HS3ST4: variants seen among roughly 807,000 people sequenced by gnomAD.
HS3ST4 encodes heparan sulfate glucosamine 3-O-sulfotransferase 4.
In HS3ST4, 17 loss-of-function variants were observed where a neutral mutation model predicts 29.2. The ratio of observed to expected loss-of-function variants is 0.58; its 90% CI spans 0.40 to 0.87. HS3ST4 has a LOEUF of 0.87. Among genes scored for constraint, HS3ST4 ranks in the 40% least tolerant of loss-of-function variants. The pLI is 0.00. For missense variants in HS3ST4, 627 were observed against 634.5 expected, an observed-to-expected ratio of 0.99 and a Z score of 0.13; for synonymous variants, 314 against 285.7, an observed-to-expected ratio of 1.10 and a Z score of -1.00.
At chr16:25,723,522 T>C (rs1289217938) in intron 1 of HS3ST4, among the ~76,000 whole-genome samples, 1 of 152,206 alleles carries the variant, frequency 6.6e-6, no homozygotes, top group African/African-American at 2.4e-5. Context: ...GAAAAAGTGG[T>C]ACAAATTTGA....
chr16:25,880,512 C>T (rs1967883518), intron 1 of HS3ST4, among the ~76,000 whole-genome samples: 1 of 152,206 alleles, frequency 6.6e-6, no homozygotes, highest in Admixed American at 6.5e-5. Context: ...ATACTTTCCT[C>T]CCAGCACACT....
At chr16:25,867,149 A>G (rs1030123805) in intron 1 of HS3ST4, among the ~76,000 whole-genome samples, 2 of 152,324 alleles carry the variant, frequency 1.3e-5, no homozygotes, top group Non-Finnish European at 2.9e-5. Flanking sequence ...CCTATCGTCT[A>G]TTGAGTTTAA....
chr16:25,915,677 T>TAC (rs1968286844), intron 1 of HS3ST4, among the ~76,000 whole-genome samples: 1 of 152,212 alleles, frequency 6.6e-6, no homozygotes, highest in Non-Finnish European at 1.5e-5. Context: ...TGATTATACA[T>TAC]ACACATAAAA....
At chr16:25,757,976 C>T (rs1027304913) in intron 1 of HS3ST4, among the ~76,000 whole-genome samples, 2 of 152,118 alleles carry the variant, frequency 1.3e-5, no homozygotes, top group African/African-American at 2.4e-5. Context: ...ATCTTCTAAG[C>T]GGCACACAAT....
At chr16:26,083,977 A>G (rs1336700162) in intron 1 of HS3ST4, among the ~76,000 whole-genome samples, 2 of 152,230 alleles carry the variant, frequency 1.3e-5, no homozygotes, top group Admixed American at 1.3e-4. Flanking sequence ...AGTGTCAAAT[A>G]CTAGGGTCCT....
intron 1 of HS3ST4, among the ~76,000 whole-genome samples, chr16:25,903,302 G>GTGTATATGTATATGTATATATTATATACA (rs151301516): frequency 0.25 from 26,383 of 104,484 alleles, 4,828 homozygotes; most frequent in Middle Eastern, 0.39. Flanking sequence ...GTGTGTGTGT[G>GTGTATATGTATATGTATATATTATATACA]TATGTATATG....
chr16:25,786,248 A>G (rs951893007), intron 1 of HS3ST4, among the ~76,000 whole-genome samples: 2 of 152,126 alleles, frequency 1.3e-5, no homozygotes, highest in Non-Finnish European at 2.9e-5. Flanking sequence ...CTTTATAGGC[A>G]GTGAATGGTT....
At chr16:25,964,190 AG>A (rs957093698) in intron 1 of HS3ST4, among the ~76,000 whole-genome samples, 10 of 147,572 alleles carry the variant, frequency 6.8e-5, no homozygotes, top group Admixed American at 5.4e-4. Flanking sequence ...AAAAAAAAAA[AG>A]GTCCCTAGAA....
intron 1 of HS3ST4, among the ~76,000 whole-genome samples, chr16:26,123,030 G>T (rs1447234977): frequency 6.6e-6 from 1 of 151,208 alleles, no homozygotes. Context: ...CCCCAGCCTG[G>T]GTGATAGAGT....
At chr16:25,858,022 T>A in intron 1 of HS3ST4, among the ~76,000 whole-genome samples, 1 of 150,858 alleles carries the variant, frequency 6.6e-6, no homozygotes, top group Non-Finnish European at 1.5e-5. Context: ...TCTTTTTCTT[T>A]CTTTCCTCTT....
chr16:25,888,894 A>G (rs998629663), intron 1 of HS3ST4, among the ~76,000 whole-genome samples: 7 of 152,192 alleles, frequency 4.6e-5, no homozygotes, highest in Admixed American at 2.0e-4. Flanking sequence ...TAGCACATCC[A>G]TTAAATCAGC....
intron 1 of HS3ST4, among the ~76,000 whole-genome samples, chr16:26,060,983 A>T (rs1368467464): frequency 6.6e-6 from 1 of 152,196 alleles, no homozygotes; most frequent in Non-Finnish European, 1.5e-5. Flanking sequence ...GTTTAGTAAG[A>T]CAAATGCTGT....
intron 1 of HS3ST4, among the ~76,000 whole-genome samples, chr16:26,081,930 G>C (rs991907584): frequency 6.6e-6 from 1 of 151,472 alleles, no homozygotes; most frequent in Admixed American, 6.6e-5. Flanking sequence ...CGAGTAGCTG[G>C]AATTATAGGG....
chr16:26,049,076 A>T lies in HS3ST4; in HGVS notation c.735-86536A>T, dbSNP rs200729177. Among the ~76,000 whole-genome samples, 29 of 152,076 alleles carry T rather than the reference A, an allele frequency of 1.9e-4. No homozygotes were observed. The East Asian group carries it at 5.4e-3, about 28-fold the overall frequency. The stretch of plus-strand genomic sequence containing the variant: ...TATTTAATTTTTATGATTGCCTTTT[A>T]TTTGTGGCAAATGATTCTGGGCTTC... On this transcript the variant is annotated intron_variant, in intron 1 of 1. Transcript: ENST00000331351.
In HS3ST4 at chr16:25,919,501, G is replaced by A. The variant is rs796891428; in HGVS notation, c.735-216111G>A. On this transcript the variant is annotated intron_variant, in intron 1 of 1. Coordinates refer to ENST00000331351, the MANE Select transcript of HS3ST4 (RefSeq NM_006040.3). ...TTGTATATATTGGTCTGAGGTCATG[G>A]CACTAGTTAATTTGGGGAGTCACTG... 3.7e-4 allele frequency among the ~76,000 whole-genome samples: 56 copies of A among 152,330 alleles called. 1 individual carries two copies. The highest frequency in any genetic ancestry group is 1.3e-3 in the African/African-American group (54 of 41,572).
chr16:25,767,565 C>T (rs944159957), intron 1 of HS3ST4, among the ~76,000 whole-genome samples: 1 of 152,132 alleles, frequency 6.6e-6, no homozygotes, highest in Non-Finnish European at 1.5e-5. Context: ...AGTTTTAGCT[C>T]AGATTCAACA....
chr16:25,858,301 G>T (rs1490681504), intron 1 of HS3ST4, among the ~76,000 whole-genome samples: 1 of 151,936 alleles, frequency 6.6e-6, no homozygotes, highest in Non-Finnish European at 1.5e-5. Flanking sequence ...TATTTATTCT[G>T]ATTATTATTT....
At chr16:25,929,465 C>T (rs1281232821) in intron 1 of HS3ST4, among the ~76,000 whole-genome samples, 2 of 152,200 alleles carry the variant, frequency 1.3e-5, no homozygotes, top group African/African-American at 4.8e-5. Context: ...TCCAGGTTTC[C>T]TACCTTCTAA....
chr16:25,784,043 C>G (rs1040813477), intron 1 of HS3ST4, among the ~76,000 whole-genome samples: 2 of 152,140 alleles, frequency 1.3e-5, no homozygotes, highest in African/African-American at 4.8e-5. Flanking sequence ...ATATTTGAAA[C>G]TTTTTCATTA....
Sources: gnomAD v4.1 joint callset for allele counts (sites outside exome capture counted in the v4.1 genomes callset) on GRCh38, gnomAD v4.1.1 for gene constraint, MANE v1.5 for transcripts, NCBI Gene and HGNC (gene_info 2026-07-23, HGNC 2026-07-21) for gene names.